TPRX1: variants seen among roughly 807,000 people sequenced by gnomAD.
The protein encoded by TPRX1 is tetra-peptide repeat homeobox protein 1.
Under a neutral mutation model 8.1 loss-of-function variants are expected in TPRX1, and 2 were observed. That is an observed-to-expected ratio of 0.25 (90% CI 0.10 to 0.78). TPRX1 has a LOEUF of 0.78. Among genes scored for constraint, TPRX1 ranks in the 30% least tolerant of loss-of-function variants. The pLI is 0.70. For synonymous variants in TPRX1, 257 were observed against 254.1 expected (o/e 1.01, Z -0.11); for missense variants, 517 against 586.9 (o/e 0.88, Z 1.23).
At chr19:47,816,155 G>A (rs921259203) in intron 2 of TPRX1, among the ~76,000 whole-genome samples, 4 of 150,120 alleles carry the variant, frequency 2.7e-5, no homozygotes, top group Non-Finnish European at 4.4e-5. Context: ...TGCATCCTCC[G>A]CCTCGCGGGT....
At chr19:47,802,960 G>C (rs1226251065) in exon 4 of TPRX1, 1 of 1,539,942 alleles carries the variant, frequency 6.5e-7, no homozygotes, top group Non-Finnish European at 8.7e-7. Flanking sequence ...CTAGTTTGGC[G>C]CGGCGATTCT....
intron 2 of TPRX1, among the ~76,000 whole-genome samples, chr19:47,816,529 ATT>A (rs35029272): frequency 1.6e-4 from 18 of 114,662 alleles, no homozygotes; most frequent in Non-Finnish European, 2.3e-4. Context: ...ACCCCTGGGA[ATT>A]TTTTTTTTTT....
intron 2 of TPRX1, among the ~76,000 whole-genome samples, chr19:47,805,595 A>G (rs142141006): frequency 1.6e-3 from 243 of 152,304 alleles, no homozygotes; most frequent in African/African-American, 5.6e-3. Flanking sequence ...TCAAAATTCA[A>G]TAAAACGTAG....
At chr19:47,815,131 TATATATATATATGCAA>T (rs1170867734) in intron 2 of TPRX1, among the ~76,000 whole-genome samples, 4 of 111,494 alleles carry the variant, frequency 3.6e-5, no homozygotes, top group African/African-American at 1.1e-4. Context: ...TATATATATA[TATATATATATATGCAA>T]ATATATATAT....
At chr19:47,814,893 G>T (rs1359157819) in intron 2 of TPRX1, among the ~76,000 whole-genome samples, 1 of 151,620 alleles carries the variant, frequency 6.6e-6, no homozygotes, top group Non-Finnish European at 1.5e-5. Flanking sequence ...TCTGCCTCCT[G>T]GACTCAAGCA....
At chr19:47,802,016 G>C in exon 4 of TPRX1, 1 of 1,611,818 alleles carries the variant, frequency 6.2e-7, no homozygotes, top group South Asian at 1.1e-5. Flanking sequence ...AGGCCATAAG[G>C]GGGCTGGGGC....
At chr19:47,811,789 G>A (rs1043475448) in intron 2 of TPRX1, among the ~76,000 whole-genome samples, 4 of 150,664 alleles carry the variant, frequency 2.7e-5, no homozygotes, top group Admixed American at 6.6e-5. Context: ...GAGCCACCGC[G>A]CCCGGCTAAT....
chr19:47,809,296 T>C (rs1967761853), intron 2 of TPRX1, among the ~76,000 whole-genome samples: 1 of 152,172 alleles, frequency 6.6e-6, no homozygotes, highest in Admixed American at 6.6e-5. Context: ...TCCTTTTTTT[T>C]TGGAGACAGG....
At chr19:47,808,769 G>T (rs368051416) in intron 2 of TPRX1, among the ~76,000 whole-genome samples, 1 of 151,982 alleles carries the variant, frequency 6.6e-6, no homozygotes, top group African/African-American at 2.4e-5. Flanking sequence ...ATGTTTTATT[G>T]TAAGAGACTT....
chr19:47,816,196 G>A (rs1440433994), intron 2 of TPRX1, among the ~76,000 whole-genome samples: 1 of 151,618 alleles, frequency 6.6e-6, no homozygotes, highest in Non-Finnish European at 1.5e-5. Context: ...AGCCTCCTGA[G>A]TAGCTGGGAT....
intron 2 of TPRX1, among the ~76,000 whole-genome samples, chr19:47,815,635 C>T (rs1967832761): frequency 7.3e-6 from 1 of 137,886 alleles, no homozygotes; most frequent in South Asian, 2.4e-4. Context: ...ATAATGAGAC[C>T]CCCGTCTCTA....
intron 2 of TPRX1, among the ~76,000 whole-genome samples, chr19:47,809,537 C>T (rs919646018): frequency 1.3e-5 from 2 of 152,094 alleles, no homozygotes; most frequent in Admixed American, 1.3e-4. Flanking sequence ...TCCATGTTGG[C>T]CTCCCAAAGT....
At chr19:47,809,932 C>T (rs1017274655) in intron 2 of TPRX1, among the ~76,000 whole-genome samples, 5 of 152,020 alleles carry the variant, frequency 3.3e-5, no homozygotes, top group African/African-American at 1.2e-4. Context: ...GGAATGAAGT[C>T]GGTGGAAAAG....
intron 2 of TPRX1, among the ~76,000 whole-genome samples, chr19:47,811,396 G>C (rs1301939287): frequency 6.6e-6 from 1 of 151,806 alleles, no homozygotes; most frequent in South Asian, 2.1e-4. Context: ...GGTATTGATC[G>C]ATTGATGACA....
chr19:47,815,931 C>T (rs763220905), intron 2 of TPRX1, among the ~76,000 whole-genome samples: 2 of 151,988 alleles, frequency 1.3e-5, no homozygotes, highest in Non-Finnish European at 2.9e-5. Context: ...TGGAGAGGAC[C>T]CTGGAGTGTT....
chr19:47,805,717 C>G (rs996304110), intron 2 of TPRX1, among the ~76,000 whole-genome samples: 3 of 152,200 alleles, frequency 2.0e-5, no homozygotes, highest in Non-Finnish European at 4.4e-5. Context: ...CCGGCTTCAT[C>G]TACAGGACAT....
At position 47,816,329 on chromosome 19, in the gene TPRX1, A is replaced by T. The variant is rs1406813278; in HGVS notation, c.151+2139T>A. On this transcript the variant is annotated intron_variant, in intron 2 of 3. Transcript: ENST00000535759. Reference sequence around the variant, plus strand: ...GCGATCCTCCCACCTTGGCTTCCCAAAGTGCTGGGATTACAGGTGTGAACC... The same window carrying T: ...GCGATCCTCCCACCTTGGCTTCCCATAGTGCTGGGATTACAGGTGTGAACC... Among the ~76,000 whole-genome samples, 4 of 152,148 alleles carry T rather than the reference A, an allele frequency of 2.6e-5. No individual in the cohort carries two copies. In the East Asian group the frequency reaches 7.7e-4, roughly 29 times the overall value.
intron 2 of TPRX1, among the ~76,000 whole-genome samples, chr19:47,811,463 G>T (rs1245948958): frequency 6.7e-6 from 1 of 150,276 alleles, no homozygotes; most frequent in African/African-American, 2.4e-5. Context: ...GGGAGCAGGG[G>T]TTCCTTATTG....
chr19:47,809,943 T>C (rs546170952), intron 2 of TPRX1, among the ~76,000 whole-genome samples: 6 of 152,038 alleles, frequency 3.9e-5, no homozygotes, highest in African/African-American at 1.4e-4. Context: ...GGTGGAAAAG[T>C]GTGAAGAAGG....
Sources: gnomAD v4.1 joint callset for allele counts (sites outside exome capture counted in the v4.1 genomes callset) on GRCh38, gnomAD v4.1.1 for gene constraint, MANE v1.5 for transcripts, NCBI Gene and HGNC (gene_info 2026-07-23, HGNC 2026-07-21) for gene names.